Variants in LMTK2 observed in about 807,000 individuals in gnomAD.
The protein encoded by LMTK2 is lemur tail kinase 2.
LMTK2 carries 37 observed loss-of-function variants against 127.5 expected under a neutral mutation model. That is an observed-to-expected ratio of 0.29 (90% confidence interval 0.22 to 0.38). The LOEUF is 0.38. Among genes scored for constraint, LMTK2 ranks in the 10% least tolerant of loss-of-function variants. The probability of loss-of-function intolerance (pLI) is 1.00; values close to 1 mark genes in which losing one functional copy is unlikely to be tolerated. For synonymous variants in LMTK2, 819 were observed against 810.1 expected (o/e 1.01, Z -0.19); for missense variants, 1,694 against 1,920.3 (o/e 0.88, Z 2.20).
chr7:98,135,393 G>GCCT, intron 1 of LMTK2, among the ~76,000 whole-genome samples: 1 of 152,052 alleles, frequency 6.6e-6, no homozygotes, highest in East Asian at 1.9e-4. Context: ...GCTCACTGCA[G>GCCT]CCTCCTCCTC....
At chr7:98,159,007 A>G (rs1397658622) in intron 5 of LMTK2, among the ~76,000 whole-genome samples, 1 of 152,198 alleles carries the variant, frequency 6.6e-6, no homozygotes, top group Non-Finnish European at 1.5e-5. Context: ...GCAGTGAGCT[A>G]TGATTGCACC....
rs188901759 is a variant in LMTK2 at position 98,173,728 on chromosome 7, T to C, written c.791+2054T>C. 3.7e-3 allele frequency among the ~76,000 whole-genome samples: 563 copies of C among 152,290 alleles called. 2 individuals are homozygous for C. The highest frequency in any genetic ancestry group is 0.013 in the African/African-American group (533 of 41,558). On this transcript the variant is annotated intron_variant, in intron 7 of 13. Transcript: ENST00000297293. ...AAAGATGATGAGTAAATCACATAGT[T>C]TGGGTTTTATTCAAGTTCTAAAACT...
chr7:98,187,171 G>A (rs967700660), intron 9 of LMTK2, among the ~76,000 whole-genome samples, 173 bp downstream of exon 9: 79 of 152,174 alleles, frequency 5.2e-4, no homozygotes, highest in African/African-American at 1.8e-3. Flanking sequence ...CACAATTGTG[G>A]TGATGGAGTT....
chr7:98,166,238 C>G (rs1042496262), intron 6 of LMTK2, among the ~76,000 whole-genome samples: 1 of 152,242 alleles, frequency 6.6e-6, no homozygotes. Context: ...TCCCCTGTTG[C>G]TGCAGTGACA....
At chr7:98,178,779 T>C (rs571741477) in intron 7 of LMTK2, among the ~76,000 whole-genome samples, 2 of 152,364 alleles carry the variant, frequency 1.3e-5, no homozygotes, top group South Asian at 2.1e-4. Context: ...TACAGCACTT[T>C]TATGTTTTCA....
At position 98,171,477 on chromosome 7, in the gene LMTK2, G is replaced by T; in HGVS notation, c.658-64G>T. 1.9e-5 allele frequency: 30 copies of T among 1,606,394 alleles called. No individual in the cohort carries two copies. The highest frequency in any genetic ancestry group is 2.6e-5 in the Non-Finnish European group (30 of 1,173,178). On this transcript the variant is annotated intron_variant, in intron 6 of 13. Coordinates refer to ENST00000297293, the MANE Select transcript of LMTK2 (RefSeq NM_014916.4). The surrounding 1 kb of genome is among the most constrained non-coding windows in gnomAD (Gnocchi z 5.1). ...TAACAGTTAGTGTTCACCGAGGCACGTATTTAAGCGCTCACTTTATTCCTG... is the reference window on the plus strand; with the variant it reads ...TAACAGTTAGTGTTCACCGAGGCACTTATTTAAGCGCTCACTTTATTCCTG...
At chr7:98,110,230 T>C (rs1387070982) in intron 1 of LMTK2, among the ~76,000 whole-genome samples, 2 of 152,344 alleles carry the variant, frequency 1.3e-5, no homozygotes, top group East Asian at 3.9e-4. Context: ...GATTCATTGC[T>C]AGACTCAGAA....
rs558183032 is a variant in LMTK2 at position 98,133,438 on chromosome 7, C to G, written c.104-3877C>G. The stretch of plus-strand genomic sequence containing the variant: ...ACTTCCTCTCTGTGGTTTCTGCAAA[C>G]CCATCTCACCTTCCAGCCTATGTTT... On this transcript the variant is annotated intron_variant, in intron 1 of 13. Coordinates refer to ENST00000297293, the MANE Select transcript of LMTK2 (RefSeq NM_014916.4). Among the ~76,000 whole-genome samples the G allele has an allele frequency of 1.4e-4, 22 of 152,102 alleles. 1 individual carries two copies. The highest frequency in any genetic ancestry group is 5.1e-4 in the African/African-American group (21 of 41,506).
intron 1 of LMTK2, among the ~76,000 whole-genome samples, chr7:98,112,545 T>C (rs1036240230): frequency 6.6e-6 from 1 of 152,218 alleles, no homozygotes; most frequent in African/African-American, 2.4e-5. Context: ...TGCAGGTGGC[T>C]GGTGGCTACG....
chr7:98,158,619 A>T (rs1004577320), intron 5 of LMTK2, among the ~76,000 whole-genome samples: 10 of 152,218 alleles, frequency 6.6e-5, no homozygotes, highest in African/African-American at 1.7e-4. Context: ...TAGTAAAAAA[A>T]ATATAAATAA....
intron 11 of LMTK2, among the ~76,000 whole-genome samples, chr7:98,197,781 G>A (rs1787587245): frequency 6.6e-6 from 1 of 152,222 alleles, no homozygotes; most frequent in Non-Finnish European, 1.5e-5. Flanking sequence ...GTTTGAGAGT[G>A]CAGTGAGCTA....
intron 3 of LMTK2, among the ~76,000 whole-genome samples, chr7:98,141,925 A>G (rs1796705829): frequency 6.6e-6 from 1 of 152,064 alleles, no homozygotes; most frequent in Non-Finnish European, 1.5e-5. Context: ...GAAAGTTTGG[A>G]TATGTTAATC....
At chr7:98,151,729 C>T (rs891842964) in intron 4 of LMTK2, among the ~76,000 whole-genome samples, 3 of 152,228 alleles carry the variant, frequency 2.0e-5, no homozygotes, top group African/African-American at 7.2e-5. Flanking sequence ...ATTTATTTCT[C>T]ACAATCCTGG....
chr7:98,130,182 C>T (rs1229379780), intron 1 of LMTK2, among the ~76,000 whole-genome samples: 4 of 151,644 alleles, frequency 2.6e-5, no homozygotes, highest in Non-Finnish European at 4.4e-5. Context: ...AGAGAGCTGG[C>T]GGGGAGTGAT....
intron 13 of LMTK2, among the ~76,000 whole-genome samples, chr7:98,205,221 T>C (rs1797771401): frequency 6.6e-6 from 1 of 152,358 alleles, no homozygotes; most frequent in East Asian, 1.9e-4. Flanking sequence ...GATGTGTGGA[T>C]CCCAGCTGAC....
chr7:98,161,632 TGATCTC>T (rs1797017741), intron 6 of LMTK2, among the ~76,000 whole-genome samples: 2 of 152,058 alleles, frequency 1.3e-5, no homozygotes, highest in African/African-American at 4.8e-5. Flanking sequence ...TCGGTTTTGA[TGATCTC>T]GATATGATCA....
chr7:98,192,485 G>A lies in LMTK2; in HGVS notation c.2020G>A (p.Asp674Asn). ...FKPATLSSSLDNPKESVITGH... is the reference protein window; with the variant it reads ...FKPATLSSSLNNPKESVITGH... ...ACCTGCCACTTTAAGTTCCAGTTTG[G>A]ATAACCCCAAAGAGTCAGTCATAAC... Residue 674 changes from aspartate to asparagine, a missense_variant, in exon 11 of 14, where the codon GAT (aspartate) becomes AAT (asparagine). Around this residue, in one of 8 missense-constraint regions of LMTK2, gnomAD observed 527 missense variants for 539.8 expected, o/e 0.98. Transcript: ENST00000297293. The A allele has an allele frequency of 6.2e-7, 1 of 1,611,426 alleles. No individual in the cohort carries two copies. The highest frequency in any genetic ancestry group is 8.5e-7 in the Non-Finnish European group (1 of 1,179,406).
chr7:98,192,244 G>T lies in LMTK2; in HGVS notation c.1779G>T (p.Arg593Ser), dbSNP rs1414389324. The part of the protein sequence containing the change: ...GPELSQLTAL[R>S]SVELEESSTD... ...AACTGTCCCAGCTCACGGCGCTCAG[G>T]AGCGTTGAACTTGAGGAGTCCAGTA... The change falls in exon 11 of 14, where the codon AGG becomes AGT. Residue 593 changes from arginine (R) to serine (S), a missense_variant. Around this residue, in one of 8 missense-constraint regions of LMTK2, gnomAD observed 527 missense variants for 539.8 expected, o/e 0.98. Coordinates refer to ENST00000297293, the MANE Select transcript of LMTK2 (RefSeq NM_014916.4). The T allele has an allele frequency of 6.6e-7, 1 of 1,524,716 alleles. No individual in the cohort carries two copies. Among genetic ancestry groups the T allele is most frequent in the Non-Finnish European group, 8.8e-7 (1 of 1,140,410 alleles). 94.4% of individuals were successfully genotyped at this position (1,524,716 alleles called of 1,614,324 possible).
At chr7:98,149,048 T>G (rs1796812692) in intron 3 of LMTK2, among the ~76,000 whole-genome samples, 1 of 152,262 alleles carries the variant, frequency 6.6e-6, no homozygotes, top group Admixed American at 6.5e-5. Context: ...TGGCAGTAGC[T>G]TGTTCTCATT....
Sources: allele counts gnomAD v4.1 joint callset (sites outside exome capture counted in the v4.1 genomes callset), GRCh38; gene constraint gnomAD v4.1.1; regional missense constraint gnomAD v4.1.1; non-coding constraint Gnocchi (gnomAD v3.1); transcripts MANE v1.5; gene names NCBI Gene and HGNC (gene_info 2026-07-23, HGNC 2026-07-21).